STARD3NL: variants seen among roughly 807,000 people sequenced by gnomAD.
STARD3NL encodes the protein STARD3 N-terminal like.
A neutral mutation model predicts 30.9 loss-of-function variants in STARD3NL; 17 were observed. That is an observed-to-expected ratio of 0.55 (90% confidence interval 0.38 to 0.82). The LOEUF (loss-of-function observed/expected upper bound fraction) is 0.82. Ranked by LOEUF, STARD3NL falls within the 40% of genes least tolerant of loss-of-function variation. STARD3NL has a pLI of 0.00. For missense variants in STARD3NL, 234 were observed against 277.6 expected, an observed-to-expected ratio of 0.84 and a Z score of 1.12; for synonymous variants, 112 against 100.5, an observed-to-expected ratio of 1.11 and a Z score of -0.69.
intron 1 of STARD3NL, among the ~76,000 whole-genome samples, chr7:38,194,500 A>G (rs1177768526): frequency 6.6e-6 from 1 of 152,096 alleles, no homozygotes; most frequent in African/African-American, 2.4e-5. Context: ...CTTATTATTT[A>G]AATGCCGAAT....
intron 1 of STARD3NL, among the ~76,000 whole-genome samples, chr7:38,194,931 A>G (rs1352980545): frequency 6.6e-6 from 1 of 152,162 alleles, no homozygotes; most frequent in Non-Finnish European, 1.5e-5. Flanking sequence ...GTAAATGTCA[A>G]AACCTTTCAT....
intron 1 of STARD3NL, among the ~76,000 whole-genome samples, chr7:38,187,484 A>T (rs891202864): frequency 6.6e-6 from 1 of 152,014 alleles, no homozygotes; most frequent in Non-Finnish European, 1.5e-5. Context: ...GAACTCTTGT[A>T]TTACCTTTGA....
At chr7:38,219,734 C>A (rs534988815) in intron 7 of STARD3NL, 74 bp downstream of exon 7, 3 of 1,281,398 alleles carry the variant, frequency 2.3e-6, no homozygotes, top group Admixed American at 3.4e-5. Context: ...TTCCCTACCC[C>A]CTCTGTTTCT....
intron 1 of STARD3NL, among the ~76,000 whole-genome samples, chr7:38,199,783 C>G (rs1009725374): frequency 7.9e-5 from 12 of 152,194 alleles, no homozygotes; most frequent in African/African-American, 2.9e-4. Context: ...AGGAAGGGCT[C>G]TTTCTCAATG....
chr7:38,198,825 T>C (rs1785044723), intron 1 of STARD3NL, among the ~76,000 whole-genome samples: 1 of 152,164 alleles, frequency 6.6e-6, no homozygotes, highest in East Asian at 1.9e-4. Flanking sequence ...GTCACTTCTG[T>C]GTGGAAGCAG....
chr7:38,192,757 C>T (rs1224998605), intron 1 of STARD3NL, among the ~76,000 whole-genome samples: 1 of 152,132 alleles, frequency 6.6e-6, no homozygotes, highest in South Asian at 2.1e-4. Context: ...TGAACTAATG[C>T]TTAATATTTG....
At chr7:38,217,495 C>G (rs562263043) in intron 6 of STARD3NL, among the ~76,000 whole-genome samples, 190 bp downstream of exon 6, 1 of 152,246 alleles carries the variant, frequency 6.6e-6, no homozygotes, top group Admixed American at 6.5e-5. Flanking sequence ...TAACAGAAAG[C>G]AGCTCCTCTC....
intron 1 of STARD3NL, among the ~76,000 whole-genome samples, chr7:38,190,238 T>C (rs1424817088): frequency 6.6e-6 from 1 of 152,174 alleles, no homozygotes; most frequent in Non-Finnish European, 1.5e-5. Flanking sequence ...AGTGGGAGAT[T>C]TCATCATGCC....
chr7:38,215,493 T>C (rs1348093741), intron 4 of STARD3NL: 3 of 186,162 alleles, frequency 1.6e-5, no homozygotes, highest in Non-Finnish European at 3.3e-5. Context: ...TCTGTACTTA[T>C]TTAGGTAATT....
intron 1 of STARD3NL, among the ~76,000 whole-genome samples, chr7:38,200,036 G>C (rs1359183629): frequency 6.6e-6 from 1 of 152,160 alleles, no homozygotes; most frequent in Non-Finnish European, 1.5e-5. Flanking sequence ...CCCACACACA[G>C]TTTTTGTATC....
chr7:38,189,060 A>T (rs1784576554), intron 1 of STARD3NL, among the ~76,000 whole-genome samples: 2 of 152,214 alleles, frequency 1.3e-5, no homozygotes, highest in South Asian at 4.1e-4. Flanking sequence ...ATGGTAATAG[A>T]AATCATTGAA....
intron 4 of STARD3NL, chr7:38,216,144 A>G (rs1049835706): frequency 6.6e-6 from 1 of 152,186 alleles, no homozygotes; most frequent in African/African-American, 2.4e-5. Flanking sequence ...CTGAGTCCCC[A>G]TATGTATGCT....
At chr7:38,202,399 T>A (rs184594584) in intron 1 of STARD3NL, among the ~76,000 whole-genome samples, 160 of 152,296 alleles carry the variant, frequency 1.1e-3, no homozygotes, top group Non-Finnish European at 1.5e-3. Context: ...TGAGGACATC[T>A]GTACAGAACC....
At chr7:38,179,930 G>C (rs903783884) in intron 1 of STARD3NL, among the ~76,000 whole-genome samples, 1 of 152,322 alleles carries the variant, frequency 6.6e-6, no homozygotes, top group East Asian at 1.9e-4. Context: ...GAATGAACTT[G>C]GCATGTTCCA....
chr7:38,188,805 G>A (rs1388065944), intron 1 of STARD3NL, among the ~76,000 whole-genome samples: 3 of 152,152 alleles, frequency 2.0e-5, no homozygotes, highest in African/African-American at 7.2e-5. Context: ...TGAAAGTTTA[G>A]TAATATTTTT....
intron 2 of STARD3NL, among the ~76,000 whole-genome samples, chr7:38,210,228 A>C (rs1785720411): frequency 1.3e-5 from 2 of 152,232 alleles, no homozygotes; most frequent in African/African-American, 4.8e-5. Flanking sequence ...TACCAAAAAA[A>C]ACTATATGGG....
chr7:38,221,278 T>C (rs1425384219), intron 7 of STARD3NL, among the ~76,000 whole-genome samples: 3 of 152,246 alleles, frequency 2.0e-5, no homozygotes, highest in African/African-American at 7.2e-5. Context: ...CTAAGCTTTA[T>C]TAATATTCAC....
intron 1 of STARD3NL, among the ~76,000 whole-genome samples, chr7:38,187,895 G>T (rs1408024616): frequency 6.6e-6 from 1 of 152,120 alleles, no homozygotes; most frequent in African/African-American, 2.4e-5. Context: ...AAATTTTGCA[G>T]TTCTGTTTTA....
At chr7:38,184,851 T>A (rs982713630) in intron 1 of STARD3NL, among the ~76,000 whole-genome samples, 1 of 149,034 alleles carries the variant, frequency 6.7e-6, no homozygotes, top group African/African-American at 2.5e-5. Context: ...ATACTATATA[T>A]ATGTATTTCC....
Sources: allele counts gnomAD v4.1 joint callset (sites outside exome capture counted in the v4.1 genomes callset), GRCh38; gene constraint gnomAD v4.1.1; transcripts MANE v1.5; gene names NCBI Gene and HGNC (gene_info 2026-07-23, HGNC 2026-07-21).